Variants in IGF1 observed in about 807,000 individuals in gnomAD.
IGF1 encodes insulin like growth factor 1, also known as insulin-like growth factor 1.
IGF1 carries 4 observed loss-of-function variants against 13.8 expected under a neutral mutation model. That is an observed-to-expected ratio of 0.29 (90% CI 0.14 to 0.66). IGF1 has a LOEUF of 0.66. Ranked by LOEUF, IGF1 falls within the 30% of genes least tolerant of loss-of-function variation. The pLI, the probability that IGF1 is intolerant of heterozygous loss-of-function variation, is 0.78. For synonymous variants in IGF1, 76 were observed against 72.6 expected (o/e 1.05, Z -0.23); for missense variants, 124 against 188.5 (o/e 0.66, Z 2.00).
chr12:102,448,643 A>T (rs1878579590), intron 2 of IGF1, among the ~76,000 whole-genome samples: 2 of 149,196 alleles, frequency 1.3e-5, no homozygotes, highest in Admixed American at 1.3e-4. Context: ...TACATATGTA[A>T]CTAACTTGCA....
chr12:102,462,409 G>A (rs1879973801), intron 2 of IGF1, among the ~76,000 whole-genome samples: 1 of 152,078 alleles, frequency 6.6e-6, no homozygotes, highest in African/African-American at 2.4e-5. Flanking sequence ...ACACTAAGTG[G>A]CCAGTGTCTA....
At chr12:102,412,030 G>T (rs1302036770) in intron 3 of IGF1, among the ~76,000 whole-genome samples, 6 of 152,110 alleles carry the variant, frequency 3.9e-5, no homozygotes, top group African/African-American at 1.4e-4. Context: ...ATTGCAAATT[G>T]GTTCTATAGG....
At chr12:102,417,596 G>T in intron 3 of IGF1, 1 of 1,236,294 alleles carries the variant, frequency 8.1e-7, no homozygotes, top group Non-Finnish European at 1.0e-6. Flanking sequence ...TTTTGCCACT[G>T]TCTTTCTTTG....
intron 1 of IGF1, among the ~76,000 whole-genome samples, 179 bp from the exon 2 acceptor site, chr12:102,475,978 G>T: frequency 6.6e-6 from 1 of 152,238 alleles, no homozygotes; most frequent in East Asian, 1.9e-4. Flanking sequence ...AGCGTGTCTC[G>T]GCATCCAACA....
chr12:102,455,612 T>C (rs1405571696), intron 2 of IGF1, among the ~76,000 whole-genome samples: 5 of 152,220 alleles, frequency 3.3e-5, no homozygotes. Context: ...TTCCAGTCTC[T>C]ACCTGCACCC....
chr12:102,451,534 T>C (rs933184997), intron 2 of IGF1, among the ~76,000 whole-genome samples: 6 of 152,210 alleles, frequency 3.9e-5, no homozygotes, highest in South Asian at 2.1e-4. Context: ...CTGTAGATGA[T>C]GAAAAGAAGA....
chr12:102,413,129 G>A (rs1874786950), intron 3 of IGF1, among the ~76,000 whole-genome samples: 1 of 152,174 alleles, frequency 6.6e-6, no homozygotes, highest in South Asian at 2.1e-4. Context: ...GTATTGAGGT[G>A]AGCATACAAA....
rs1277575293 is a variant in IGF1 at position 102,400,203 on chromosome 12, G to T, written c.*2304C>A. On this transcript the variant is annotated 3_prime_UTR_variant, in exon 4 of 4. Transcript: ENST00000337514. ...GAGAAAAACTGAAGATGTTATTTTT[G>T]TTTTTCATATAGACTTTCCAAGAAT... The T allele has an allele frequency of 1.6e-4, 23 of 145,352 alleles. No homozygotes were observed. Among genetic ancestry groups the T allele is most frequent in the Non-Finnish European group, 7.5e-5 (5 of 66,618 alleles). The allele number at this position is 145,352 out of a possible 1,614,324, so 9.0% of individuals were successfully genotyped here.
intron 2 of IGF1, among the ~76,000 whole-genome samples, chr12:102,438,069 T>C (rs1385388717): frequency 6.6e-6 from 1 of 152,144 alleles, no homozygotes; most frequent in East Asian, 1.9e-4. Flanking sequence ...GATGTATAAT[T>C]ATGTATGTTT....
intron 2 of IGF1, among the ~76,000 whole-genome samples, chr12:102,466,096 C>T (rs1172110318): frequency 6.6e-6 from 1 of 152,088 alleles, no homozygotes; most frequent in Non-Finnish European, 1.5e-5. Context: ...TACTAAAATA[C>T]ATGAATTCCA....
chr12:102,446,729 C>G (rs1878367118), intron 2 of IGF1, among the ~76,000 whole-genome samples: 1 of 152,048 alleles, frequency 6.6e-6, no homozygotes, highest in Admixed American at 6.6e-5. Context: ...TCTTTCAGTT[C>G]TGCTCTGATC....
intron 2 of IGF1, among the ~76,000 whole-genome samples, chr12:102,421,585 A>T (rs531676681): frequency 6.6e-6 from 1 of 152,148 alleles, no homozygotes; most frequent in Non-Finnish European, 1.5e-5. Flanking sequence ...CATTACAGGT[A>T]ATGATTGCCC....
At chr12:102,454,590 C>A (rs1348587494) in intron 2 of IGF1, among the ~76,000 whole-genome samples, 3 of 152,228 alleles carry the variant, frequency 2.0e-5, no homozygotes, top group African/African-American at 7.2e-5. Context: ...TGACACTCTC[C>A]ATGAAGCTCC....
chr12:102,473,843 C>A (rs1043018654), intron 2 of IGF1, among the ~76,000 whole-genome samples: 12 of 152,166 alleles, frequency 7.9e-5, no homozygotes, highest in Non-Finnish European at 1.5e-4. Flanking sequence ...TAGGAACAAT[C>A]ATTTTTTCCA....
chr12:102,417,304 C>G (rs1157127300), intron 3 of IGF1, among the ~76,000 whole-genome samples: 1 of 152,182 alleles, frequency 6.6e-6, no homozygotes, highest in Non-Finnish European at 1.5e-5. Flanking sequence ...TGGCCTAAAC[C>G]CTGGACTTGA....
chr12:102,473,721 A>C (rs1880830812), intron 2 of IGF1, among the ~76,000 whole-genome samples: 1 of 152,222 alleles, frequency 6.6e-6, no homozygotes, highest in Non-Finnish European at 1.5e-5. Flanking sequence ...AAATTTGCTG[A>C]AATTTGATTG....
chr12:102,434,484 A>AT lies in IGF1; in HGVS notation c.221-14795dup, dbSNP rs1325024865. Among the ~76,000 whole-genome samples the AT allele has an allele frequency of 1.1e-4, 17 of 148,568 alleles. No homozygotes were observed. The East Asian group carries it at 2.6e-3, about 23-fold the overall frequency. ...TCCCTACAAAGGACATGAACTCATC[A>AT]TTTTTTATGGCTGCATAGTATTCCA... is the stretch of plus-strand genomic sequence containing the variant. On this transcript the variant is annotated intron_variant, in intron 2 of 3. Transcript: ENST00000337514.
intron 2 of IGF1, among the ~76,000 whole-genome samples, chr12:102,468,170 C>G (rs1480292405): frequency 3.3e-5 from 5 of 152,030 alleles, no homozygotes; most frequent in Non-Finnish European, 7.4e-5. Flanking sequence ...GCATGGAAAT[C>G]TTTATTCCTG....
At position 102,400,979 on chromosome 12, in the gene IGF1, A is replaced by G. The variant is rs1873635368; in HGVS notation, c.*1528T>C. 6.6e-6 allele frequency: 1 copy of G among 152,206 alleles called. No individual in the cohort carries two copies. Among genetic ancestry groups the G allele is most frequent in the Admixed American group, 6.5e-5 (1 of 15,276 alleles). 9.4% of individuals were successfully genotyped at this position (152,206 alleles called of 1,614,324 possible). On this transcript the variant is annotated 3_prime_UTR_variant, in exon 4 of 4. Coordinates refer to ENST00000337514, the MANE Select transcript of IGF1 (RefSeq NM_000618.5). ...GAGATTGAGCTGTTAGCTTTTAACAACTAGTTGGCCAGTTATTTGGATAGC... is the reference window on the plus strand; with the variant it reads ...GAGATTGAGCTGTTAGCTTTTAACAGCTAGTTGGCCAGTTATTTGGATAGC...
Sources: gnomAD v4.1 joint callset for allele counts (sites outside exome capture counted in the v4.1 genomes callset) on GRCh38, gnomAD v4.1.1 for gene constraint, MANE v1.5 for transcripts, NCBI Gene and HGNC (gene_info 2026-07-23, HGNC 2026-07-21) for gene names.